Variants in CPEB3 observed in about 807,000 individuals in gnomAD.
CPEB3 encodes cytoplasmic polyadenylation element-binding protein 3.
CPEB3 carries 20 observed loss-of-function variants against 67.2 expected under a neutral mutation model. The ratio of observed to expected loss-of-function variants is 0.30; its 90% CI spans 0.21 to 0.43. The LOEUF (loss-of-function observed/expected upper bound fraction) is 0.43, where lower values mean the gene tolerates loss of function less well. Among genes scored for constraint, CPEB3 ranks in the 20% least tolerant of loss-of-function variants. CPEB3 has a pLI of 1.00. For missense variants in CPEB3, 746 were observed against 968.6 expected (o/e 0.77, Z 3.05); for synonymous variants, 376 against 393.1 (o/e 0.96, Z 0.51).
chr10:92,090,491 G>A (rs554883210), intron 8 of CPEB3, among the ~76,000 whole-genome samples: 36 of 152,306 alleles, frequency 2.4e-4, no homozygotes, highest in Admixed American at 2.2e-3. Flanking sequence ...GCAGTGAGCC[G>A]AGATCATGCC....
chr10:92,141,346 T>C (rs1200982674), intron 6 of CPEB3, among the ~76,000 whole-genome samples: 42 of 151,706 alleles, frequency 2.8e-4, no homozygotes, highest in African/African-American at 8.0e-4. Flanking sequence ...ATGGATGAAA[T>C]TGGAAATCAT....
At chr10:92,216,204 G>A (rs944717028) in intron 2 of CPEB3, 14 of 786,516 alleles carry the variant, frequency 1.8e-5, no homozygotes, top group South Asian at 5.5e-5. Flanking sequence ...TTGGGAGGCC[G>A]AGGAGCACGG....
chr10:92,092,387 C>A (rs1312604037), intron 7 of CPEB3, among the ~76,000 whole-genome samples: 1 of 152,188 alleles, frequency 6.6e-6, no homozygotes, highest in Admixed American at 6.5e-5. Flanking sequence ...ATTCTCATCA[C>A]CCTCCAAAAT....
chr10:92,216,416 G>C, intron 2 of CPEB3: 1 of 1,612,834 alleles, frequency 6.2e-7, no homozygotes, highest in Non-Finnish European at 8.5e-7. Context: ...GGAGCTGCTG[G>C]TCAACCAGAA....
chr10:92,210,153 A>C (rs1208841032), intron 2 of CPEB3, among the ~76,000 whole-genome samples: 1 of 152,142 alleles, frequency 6.6e-6, no homozygotes, highest in African/African-American at 2.4e-5. Context: ...AAAAATAAAA[A>C]GATTTAAATC....
chr10:92,291,204 G>T (rs1422582948), upstream of CPEB3: 4 of 512,878 alleles, frequency 7.8e-6, no homozygotes, highest in African/African-American at 2.1e-5. Flanking sequence ...CAGCAACTCG[G>T]CGCCCGCGGT....
At chr10:92,241,058 T>A (rs3781229) in intron 1 of CPEB3, among the ~76,000 whole-genome samples, 103,028 of 151,866 alleles carry the variant, frequency 0.68, 36,696 homozygotes, top group African/African-American at 0.9. Context: ...CAGTTAATTT[T>A]AAAAAAAACG....
intron 1 of CPEB3, among the ~76,000 whole-genome samples, chr10:92,278,142 G>A (rs963663577): frequency 4.0e-5 from 6 of 150,700 alleles, no homozygotes; most frequent in Non-Finnish European, 7.4e-5. Context: ...CCGAGATTGC[G>A]CCACTGCACT....
intron 3 of CPEB3, among the ~76,000 whole-genome samples, chr10:92,181,359 T>G (rs1848450821): frequency 8.0e-6 from 1 of 125,364 alleles, no homozygotes. Flanking sequence ...GTCCTTCCAT[T>G]CAAGCAGCAA....
At chr10:92,066,377 A>G (rs1842547903) in intron 9 of CPEB3, among the ~76,000 whole-genome samples, 1 of 151,994 alleles carries the variant, frequency 6.6e-6, no homozygotes, top group Admixed American at 6.6e-5. Context: ...CCTGAACAGC[A>G]TCTCCAAAAA....
chr10:92,191,829 G>A (rs1376026726), intron 3 of CPEB3, among the ~76,000 whole-genome samples: 6 of 152,280 alleles, frequency 3.9e-5, no homozygotes, highest in Admixed American at 3.3e-4. Context: ...CTGTAATTAT[G>A]AATTAAATAC....
At chr10:92,288,892 T>C (rs927182826) in intron 1 of CPEB3, among the ~76,000 whole-genome samples, 2 of 152,058 alleles carry the variant, frequency 1.3e-5, no homozygotes, top group African/African-American at 2.4e-5. Context: ...GCTTAAGAAA[T>C]AAGTACACAA....
chr10:92,279,471 T>C (rs575935509), intron 1 of CPEB3, among the ~76,000 whole-genome samples: 1 of 152,304 alleles, frequency 6.6e-6, no homozygotes, highest in South Asian at 2.1e-4. Flanking sequence ...TAATCCACTT[T>C]CATTTTTCCT....
chr10:92,110,380 C>T (rs1261484633), intron 7 of CPEB3, among the ~76,000 whole-genome samples: 1 of 152,204 alleles, frequency 6.6e-6, no homozygotes, highest in Non-Finnish European at 1.5e-5. Context: ...ATCCCTACTT[C>T]TGTCACATAA....
chr10:92,109,749 T>C lies in CPEB3; in HGVS notation c.1572+1327A>G, dbSNP rs1237408825. On this transcript the variant is annotated intron_variant, in intron 7 of 9. Coordinates refer to ENST00000265997, the MANE Select transcript of CPEB3 (RefSeq NM_014912.5). Reference sequence around the variant, plus strand: ...CCAATGAATACTCTCAATATCCCCATTCTTTAGTAGTTCTTTCTTCTGCTT... The same window carrying C: ...CCAATGAATACTCTCAATATCCCCACTCTTTAGTAGTTCTTTCTTCTGCTT... 6.6e-5 allele frequency among the ~76,000 whole-genome samples: 10 copies of C among 152,316 alleles called. 1 individual carries two copies. The highest frequency in any genetic ancestry group is 3.9e-4 in the Admixed American group (6 of 15,292).
chr10:92,149,485 G>A (rs1846856166), intron 4 of CPEB3, among the ~76,000 whole-genome samples: 1 of 152,138 alleles, frequency 6.6e-6, no homozygotes, highest in African/African-American at 2.4e-5. Flanking sequence ...AGACATTCTG[G>A]CACAAAAAGA....
chr10:92,233,937 T>G (rs536904361), intron 2 of CPEB3, among the ~76,000 whole-genome samples: 3 of 151,916 alleles, frequency 2.0e-5, no homozygotes, highest in African/African-American at 4.8e-5. Flanking sequence ...TGAAACCCCG[T>G]CTCTATTAAA....
At chr10:92,174,798 G>C (rs531251515) in intron 4 of CPEB3, among the ~76,000 whole-genome samples, 1 of 151,988 alleles carries the variant, frequency 6.6e-6, no homozygotes, top group Non-Finnish European at 1.5e-5. Context: ...TCTCGGAAAA[G>C]GAATGGCAGG....
chr10:92,057,512 G>A (rs566883418), intron 9 of CPEB3, among the ~76,000 whole-genome samples: 1 of 152,358 alleles, frequency 6.6e-6, no homozygotes, highest in Admixed American at 6.5e-5. Context: ...CTGCCCAGAG[G>A]CTTGGGGAAT....
Sources: gnomAD v4.1 joint callset for allele counts (sites outside exome capture counted in the v4.1 genomes callset) on GRCh38, gnomAD v4.1.1 for gene constraint, MANE v1.5 for transcripts, NCBI Gene and HGNC (gene_info 2026-07-23, HGNC 2026-07-21) for gene names.